ZFAND3: variants seen among roughly 807,000 people sequenced by gnomAD.
ZFAND3 encodes the protein zinc finger AN1-type containing 3.
Under a neutral mutation model 29.6 loss-of-function variants are expected in ZFAND3, and 10 were observed. The observed-to-expected ratio is 0.34, with a 90% CI of 0.21 to 0.57. The LOEUF (loss-of-function observed/expected upper bound fraction) is 0.57. ZFAND3 is among the 20% of genes least tolerant of loss of function. The pLI, the probability that ZFAND3 is intolerant of heterozygous loss-of-function variation, is 0.86. For missense variants in ZFAND3, 230 were observed against 304.5 expected, an observed-to-expected ratio of 0.76 and a Z score of 1.82; for synonymous variants, 128 against 112.6, an observed-to-expected ratio of 1.14 and a Z score of -0.87.
intron 5 of ZFAND3, among the ~76,000 whole-genome samples, chr6:38,150,105 T>C (rs1357353988): frequency 6.6e-6 from 1 of 152,222 alleles, no homozygotes; most frequent in Non-Finnish European, 1.5e-5. Flanking sequence ...AGGATGCATA[T>C]TGAGGCCATC....
chr6:38,029,595 A>G (rs1207238361), intron 2 of ZFAND3, among the ~76,000 whole-genome samples: 8 of 152,210 alleles, frequency 5.3e-5, no homozygotes, highest in Non-Finnish European at 1.5e-5. Flanking sequence ...CATATAAAGA[A>G]TACCTACATA....
intron 5 of ZFAND3, among the ~76,000 whole-genome samples, chr6:38,127,646 C>T (rs1411356094): frequency 1.3e-5 from 2 of 151,160 alleles, no homozygotes; most frequent in African/African-American, 4.9e-5. Context: ...AATAGAATCA[C>T]GTACCACCAG....
At chr6:38,136,761 G>C (rs777597244) in intron 5 of ZFAND3, among the ~76,000 whole-genome samples, 1 of 152,198 alleles carries the variant, frequency 6.6e-6, no homozygotes, top group African/African-American at 2.4e-5. Flanking sequence ...CACACACCCA[G>C]TGCTGTTCTT....
intron 4 of ZFAND3, among the ~76,000 whole-genome samples, chr6:38,101,496 T>A (rs1296200901): frequency 6.6e-6 from 1 of 152,132 alleles, no homozygotes; most frequent in Admixed American, 6.5e-5. Context: ...ATTTATAAGC[T>A]TAAGGATTTG....
chr6:38,024,750 G>C (rs1304852414), intron 2 of ZFAND3, among the ~76,000 whole-genome samples: 1 of 152,198 alleles, frequency 6.6e-6, no homozygotes, highest in Non-Finnish European at 1.5e-5. Context: ...GAAATATGCA[G>C]AATAGGTAAG....
chr6:37,916,587 G>T (rs1761258893), intron 1 of ZFAND3, among the ~76,000 whole-genome samples: 1 of 152,182 alleles, frequency 6.6e-6, no homozygotes, highest in Admixed American at 6.5e-5. Context: ...TTGAACCCTG[G>T]AGGCAGAGGT....
chr6:37,964,503 A>G (rs981735421), intron 2 of ZFAND3, among the ~76,000 whole-genome samples: 2 of 152,234 alleles, frequency 1.3e-5, no homozygotes, highest in Non-Finnish European at 2.9e-5. Flanking sequence ...TCATAGTGTC[A>G]GTGACTGCAC....
chr6:37,878,031 T>C (rs1346123161), intron 1 of ZFAND3, among the ~76,000 whole-genome samples: 1 of 152,148 alleles, frequency 6.6e-6, no homozygotes, highest in Non-Finnish European at 1.5e-5. Context: ...GGTGGCTAGA[T>C]GGTTGGTGAC....
chr6:38,009,485 T>C (rs1157119507), intron 2 of ZFAND3, among the ~76,000 whole-genome samples: 2 of 152,198 alleles, frequency 1.3e-5, no homozygotes, highest in African/African-American at 4.8e-5. Context: ...AATGGTTATA[T>C]TGGGAGAGAC....
intron 1 of ZFAND3, among the ~76,000 whole-genome samples, chr6:37,843,586 T>G (rs568205580): frequency 6.6e-6 from 1 of 152,216 alleles, no homozygotes; most frequent in Non-Finnish European, 1.5e-5. Context: ...ATCTGAGAGC[T>G]AATAGGAGAA....
intron 2 of ZFAND3, among the ~76,000 whole-genome samples, chr6:38,044,845 G>T (rs1166077053): frequency 6.6e-6 from 1 of 152,054 alleles, no homozygotes; most frequent in Non-Finnish European, 1.5e-5. Context: ...TTTTAGATTT[G>T]TATGATTTCT....
At chr6:37,953,862 G>C (rs1012561732) in intron 2 of ZFAND3, among the ~76,000 whole-genome samples, 2 of 152,082 alleles carry the variant, frequency 1.3e-5, no homozygotes. Flanking sequence ...TTTCTCTCTG[G>C]TATCATTTCC....
chr6:37,999,741 C>T (rs1762911865), intron 2 of ZFAND3, among the ~76,000 whole-genome samples: 1 of 152,162 alleles, frequency 6.6e-6, no homozygotes, highest in Non-Finnish European at 1.5e-5. Flanking sequence ...CATAAAGAGA[C>T]ATGACAACTA....
chr6:38,042,460 C>A (rs1364853230), intron 2 of ZFAND3, among the ~76,000 whole-genome samples: 1 of 151,796 alleles, frequency 6.6e-6, no homozygotes, highest in Non-Finnish European at 1.5e-5. Context: ...ATTATAGGCG[C>A]CCACCACCAT....
Position 38,154,206 on chromosome 6 carries a change from A to G in ZFAND3, c.*1817A>G. ...CATCCTCAGTGAGGCAGCCCCCCAT[A>G]GGCTTCCGCCAAGCTCTGGTCCCGA... On this transcript the variant is annotated 3_prime_UTR_variant, in exon 6 of 6. Transcript: ENST00000287218. The G allele has an allele frequency of 1.0e-6, 1 of 985,524 alleles. No homozygotes were observed. Among genetic ancestry groups the G allele is most frequent in the Non-Finnish European group, 1.2e-6 (1 of 830,016 alleles). The allele number at this position is 985,524 out of a possible 1,614,324, so 61.0% of individuals were successfully genotyped here.
rs4714120 is a variant in ZFAND3, at chr6:38,031,447, G to A, written c.113-30146G>A. On this transcript the variant is annotated intron_variant, in intron 2 of 5. Coordinates refer to ENST00000287218, the MANE Select transcript of ZFAND3 (RefSeq NM_021943.3). ...CAGCCATTTTCTTACTTTGCCCTTC[G>A]GGAAACAACAAACTCCCTTTAGCAT... 5.3e-5 allele frequency among the ~76,000 whole-genome samples: 8 copies of A among 151,964 alleles called. No homozygotes were observed. In the South Asian group the frequency reaches 1.5e-3, roughly 28 times the overall value.
chr6:38,149,424 A>T (rs544991311), intron 5 of ZFAND3, among the ~76,000 whole-genome samples: 2 of 151,878 alleles, frequency 1.3e-5, no homozygotes, highest in Admixed American at 1.3e-4. Flanking sequence ...AAAAAAAAAA[A>T]AAAAACCTAA....
At chr6:38,045,478 C>T (rs1235849883) in intron 2 of ZFAND3, among the ~76,000 whole-genome samples, 1 of 152,120 alleles carries the variant, frequency 6.6e-6, no homozygotes. Flanking sequence ...AGAATCTAAT[C>T]ATAGTTCCTT....
chr6:37,847,906 G>T (rs1429886608), intron 1 of ZFAND3, among the ~76,000 whole-genome samples: 1 of 152,200 alleles, frequency 6.6e-6, no homozygotes, highest in Non-Finnish European at 1.5e-5. Flanking sequence ...ATCATTGGTG[G>T]TTAATTTTGT....
Sources: gnomAD v4.1 joint callset for allele counts (sites outside exome capture counted in the v4.1 genomes callset) on GRCh38, gnomAD v4.1.1 for gene constraint, MANE v1.5 for transcripts, NCBI Gene and HGNC (gene_info 2026-07-23, HGNC 2026-07-21) for gene names.